Variants in DPF3 observed in about 807,000 individuals in gnomAD.
The protein encoded by DPF3 is zinc finger protein DPF3.
A neutral mutation model predicts 56.8 loss-of-function variants in DPF3; 18 were observed. The ratio of observed to expected loss-of-function variants is 0.32; its 90% CI spans 0.22 to 0.47. DPF3 has a LOEUF of 0.47. Ranked by LOEUF, DPF3 falls within the 20% of genes least tolerant of loss-of-function variation. The pLI, the probability that DPF3 is intolerant of heterozygous loss-of-function variation, is 1.00. For synonymous variants in DPF3, 188 were observed against 180.2 expected (o/e 1.04, Z -0.35); for missense variants, 403 against 488.8 (o/e 0.82, Z 1.65).
intron 6 of DPF3, among the ~76,000 whole-genome samples, chr14:72,699,255 C>T (rs1346649680): frequency 6.6e-6 from 1 of 152,026 alleles, no homozygotes; most frequent in African/African-American, 2.4e-5. Flanking sequence ...TGTGGTGGCT[C>T]ATGCTTATAA....
intron 1 of DPF3, among the ~76,000 whole-genome samples, chr14:72,835,351 G>A (rs979710608): frequency 7.9e-5 from 12 of 152,272 alleles, no homozygotes; most frequent in African/African-American, 2.9e-4. Context: ...CAGGCATGAG[G>A]CCACCATGCC....
At chr14:72,765,296 TG>T (rs149654256) in intron 2 of DPF3, among the ~76,000 whole-genome samples, 8,645 of 152,282 alleles carry the variant, frequency 0.057, 457 homozygotes, top group Admixed American at 0.16. Flanking sequence ...CATATATTGC[TG>T]GAGTCAATGT....
At chr14:72,812,955 TG>T (rs1599464333) in intron 1 of DPF3, among the ~76,000 whole-genome samples, 2 of 151,986 alleles carry the variant, frequency 1.3e-5, no homozygotes, top group East Asian at 3.9e-4. Context: ...TTGGGGGCAA[TG>T]GGAACTTGCA....
intron 1 of DPF3, among the ~76,000 whole-genome samples, chr14:72,840,530 T>TAC (rs372891838): frequency 0.012 from 1,757 of 152,056 alleles, 33 homozygotes; most frequent in African/African-American, 0.04. Flanking sequence ...CATGTAATTT[T>TAC]ACACACACAC....
At chr14:72,745,368 T>C (rs1008512240) in intron 3 of DPF3, among the ~76,000 whole-genome samples, 2 of 152,188 alleles carry the variant, frequency 1.3e-5, no homozygotes, top group African/African-American at 4.8e-5. Flanking sequence ...ATTCCATTCA[T>C]AGAATATACA....
At chr14:72,791,743 A>G (rs1166185900) in intron 1 of DPF3, among the ~76,000 whole-genome samples, 1 of 152,266 alleles carries the variant, frequency 6.6e-6, no homozygotes, top group Non-Finnish European at 1.5e-5. Flanking sequence ...ACAAGTTCAC[A>G]GAGGTTAAGG....
chr14:72,666,761 A>G (rs1020506662), intron 8 of DPF3, among the ~76,000 whole-genome samples: 2 of 152,198 alleles, frequency 1.3e-5, no homozygotes, highest in East Asian at 3.8e-4. Context: ...TCTCCACTCT[A>G]GGCTTCCACA....
intron 8 of DPF3, among the ~76,000 whole-genome samples, chr14:72,631,598 T>C (rs1323746420): frequency 6.6e-6 from 1 of 152,156 alleles, no homozygotes; most frequent in African/African-American, 2.4e-5. Flanking sequence ...TGGCCAGTTC[T>C]GTGCCACACC....
chr14:72,687,973 C>A (rs942057045), intron 7 of DPF3, among the ~76,000 whole-genome samples: 1 of 151,864 alleles, frequency 6.6e-6, no homozygotes, highest in African/African-American at 2.4e-5. Flanking sequence ...GCCCTTGAGT[C>A]CTGAACTCCC....
intron 1 of DPF3, among the ~76,000 whole-genome samples, chr14:72,807,270 C>T (rs1212033634): frequency 1.3e-5 from 2 of 152,256 alleles, no homozygotes; most frequent in East Asian, 3.9e-4. Context: ...TTCTGTTTTC[C>T]CATCAATAAA....
intron 1 of DPF3, among the ~76,000 whole-genome samples, chr14:72,786,261 T>TA (rs34500276): frequency 0.23 from 32,618 of 142,324 alleles, 4,180 homozygotes; most frequent in East Asian, 0.37. Flanking sequence ...AGACTCCACC[T>TA]AAAAAAAAAA....
chr14:72,712,144 G>T (rs1044690570), intron 6 of DPF3, among the ~76,000 whole-genome samples: 1 of 152,046 alleles, frequency 6.6e-6, no homozygotes, highest in Non-Finnish European at 1.5e-5. Flanking sequence ...GAAAGCAGCC[G>T]CTGAGACTTC....
Position 72,835,399 on chromosome 14 carries a change from G to A in DPF3, c.32+58658C>T, listed in dbSNP as rs138812498. ...CTTTGTAGGGTGATGAAAATGTTCC[G>A]GCATCAGATGTGGATGATGGCGGAT... On this transcript the variant is annotated intron_variant, in intron 1 of 10. Transcript: ENST00000556509. 5.0e-3 allele frequency among the ~76,000 whole-genome samples: 755 copies of A among 152,246 alleles called. 9 individuals carry two copies. Among genetic ancestry groups the A allele is most frequent in the African/African-American group, 0.017 (718 of 41,528 alleles).
chr14:72,818,992 GAATA>G (rs1421007431), intron 1 of DPF3, among the ~76,000 whole-genome samples: 1 of 152,132 alleles, frequency 6.6e-6, no homozygotes, highest in Non-Finnish European at 1.5e-5. Context: ...TCTATATCCA[GAATA>G]TATAAAGAAC....
Position 72,613,835 on chromosome 14 carries a change from G to A in DPF3, c.*5462C>T, listed in dbSNP as rs1284149181. On this transcript the variant is annotated 3_prime_UTR_variant, in exon 11 of 11. Coordinates refer to ENST00000556509, the MANE Select transcript of DPF3 (RefSeq NM_001280542.3). ...GGCTGCGCACATGGAGGGGGCGCCC[G>A]CCGCACAGCCAGGCCTCCCCGGGGA... 3.3e-5 allele frequency among the ~76,000 whole-genome samples: 5 copies of A among 152,118 alleles called. No individual in the cohort carries two copies. Among genetic ancestry groups the A allele is most frequent in the African/African-American group, 1.2e-4 (5 of 41,408 alleles).
At chr14:72,780,322 CTTACT>C (rs1157548312) in intron 1 of DPF3, among the ~76,000 whole-genome samples, 1 of 152,194 alleles carries the variant, frequency 6.6e-6, no homozygotes, top group Admixed American at 6.5e-5. Context: ...CCTTATCTGT[CTTACT>C]TTATTTTTGA....
chr14:72,780,852 T>A (rs1891941607), intron 1 of DPF3, among the ~76,000 whole-genome samples: 1 of 152,194 alleles, frequency 6.6e-6, no homozygotes, highest in Non-Finnish European at 1.5e-5. Context: ...CTTCTCTGCA[T>A]GGGTAGAAAT....
In DPF3 at chr14:72,836,667, A is replaced by T. The variant is rs571279091; in HGVS notation, c.32+57390T>A. On this transcript the variant is annotated intron_variant, in intron 1 of 10. Coordinates refer to ENST00000556509, the MANE Select transcript of DPF3 (RefSeq NM_001280542.3). ...CATTGGGAGCTCCCGCCCTTGTCTT[A>T]TCTCGATCTGGGACCTCAGAAGACT... Among the ~76,000 whole-genome samples, 7 of 152,060 alleles carry T rather than the reference A, an allele frequency of 4.6e-5. No individual in the cohort carries two copies. The South Asian group carries it at 1.5e-3, about 32-fold the overall frequency.
rs547751213 is a variant in DPF3 at position 72,892,371 on chromosome 14, G to A, written c.32+1686C>T. The A allele has an allele frequency of 4.4e-5, 67 of 1,528,522 alleles. 1 individual carries two copies. In the South Asian group the frequency reaches 7.8e-4, roughly 18 times the overall value. 94.7% of individuals were successfully genotyped at this position (1,528,522 alleles called of 1,614,324 possible). ...TCTTTCTTGGGTGAAACGCTGTGGCGTTCAAGCGCAGTGTATCCGAGCTTC... is the reference window on the plus strand; with the variant it reads ...TCTTTCTTGGGTGAAACGCTGTGGCATTCAAGCGCAGTGTATCCGAGCTTC... On this transcript the variant is annotated intron_variant, in intron 1 of 10. Transcript: ENST00000556509.
Sources: allele counts gnomAD v4.1 joint callset (sites outside exome capture counted in the v4.1 genomes callset), GRCh38; gene constraint gnomAD v4.1.1; transcripts MANE v1.5; gene names NCBI Gene and HGNC (gene_info 2026-07-23, HGNC 2026-07-21).